The following ARHGEF11 variants were observed in gnomAD, a reference collection of about 807,000 sequenced individuals.
The protein encoded by ARHGEF11 is Rho guanine nucleotide exchange factor 11.
In ARHGEF11, 55 loss-of-function variants were observed where a neutral mutation model predicts 193.7. That is an observed-to-expected ratio of 0.28 (90% CI 0.23 to 0.36). The LOEUF is 0.36. ARHGEF11 is among the 10% of genes least tolerant of loss of function. The pLI, the probability that ARHGEF11 is intolerant of heterozygous loss-of-function variation, is 1.00. For synonymous variants in ARHGEF11, 693 were observed against 768.0 expected (o/e 0.90, Z 1.62); for missense variants, 1,723 against 2,005.6 (o/e 0.86, Z 2.69).
At position 156,945,530 on chromosome 1, in the gene ARHGEF11, T is replaced by C. The variant is rs181957495; in HGVS notation, c.2813-333A>G. 1,439 of 311,634 alleles carry C rather than the reference T, an allele frequency of 4.6e-3. 7 individuals are homozygous for C. Among genetic ancestry groups the C allele is most frequent in the Admixed American group, 0.022 (467 of 21,120 alleles). 19.3% of individuals were successfully genotyped at this position (311,634 alleles called of 1,614,324 possible). On this transcript the variant is annotated intron_variant, in intron 29 of 40. Coordinates refer to ENST00000368194, the MANE Select transcript of ARHGEF11 (RefSeq NM_198236.3). ...CTCTAGAAAGCCTGTTCAAATCAGA[T>C]TGGGGTTCCTAACACCTCTCTGTCC...
rs769530623 is a variant in ARHGEF11, at chr1:156,969,318, C to T, written c.789G>A (p.Leu263=). 3 of 1,607,542 alleles carry T rather than the reference C, an allele frequency of 1.9e-6. No individual in the cohort carries two copies. Among genetic ancestry groups the T allele is most frequent in the Non-Finnish European group, 1.7e-6 (2 of 1,177,208 alleles). Residue 263 remains leucine (L), a synonymous_variant, in exon 10 of 41, where the codon TTG becomes TTA. Coordinates refer to ENST00000368194, the MANE Select transcript of ARHGEF11 (RefSeq NM_198236.3). ...AAGGAAAGCGTTCTGTCCCAGAGTCCAAGCCACTGTCCCCCTCCTGGGAAT... is the reference window on the plus strand; with the variant it reads ...AAGGAAAGCGTTCTGTCCCAGAGTCTAAGCCACTGTCCCCCTCCTGGGAAT... ...SLDSQEGDSG[L]DSGTERFPSL...
chr1:156,942,864 C>A (rs1414583955), intron 32 of ARHGEF11, 84 bp from the exon 33 acceptor site: 2 of 1,141,974 alleles, frequency 1.8e-6, no homozygotes, highest in African/African-American at 1.5e-5. Context: ...CAGAGTGGGA[C>A]TCAAAGCCCT....
intron 8 of ARHGEF11, 107 bp from the exon 9 acceptor site, chr1:156,970,150 G>T: frequency 1.1e-6 from 1 of 905,906 alleles, no homozygotes; most frequent in Non-Finnish European, 1.8e-6. Flanking sequence ...GGCCTCTTCC[G>T]CTTCATTGCC....
intron 22 of ARHGEF11, among the ~76,000 whole-genome samples, chr1:156,950,487 T>C (rs1658911907): frequency 6.6e-6 from 1 of 151,222 alleles, no homozygotes; most frequent in African/African-American, 2.4e-5. Flanking sequence ...AAAATAAAAA[T>C]CAATTAGCCA....
At chr1:156,940,146 A>G (rs1656498976) in intron 36 of ARHGEF11, 61 bp downstream of exon 36, 1 of 1,507,770 alleles carries the variant, frequency 6.6e-7, no homozygotes, top group Non-Finnish European at 8.9e-7. Context: ...GGCGCCTGCC[A>G]GTTCACACTG....
intron 38 of ARHGEF11, 66 bp downstream of exon 38, chr1:156,938,352 C>T: frequency 1.2e-5 from 18 of 1,497,430 alleles, no homozygotes; most frequent in Non-Finnish European, 1.7e-5. Context: ...AGGGGTCCGA[C>T]TCTGCCCTCA....
intron 1 of ARHGEF11, among the ~76,000 whole-genome samples, chr1:157,031,742 A>G (rs1671335301): frequency 6.6e-6 from 1 of 152,198 alleles, no homozygotes; most frequent in Non-Finnish European, 1.5e-5. Flanking sequence ...CCAGAACTGC[A>G]TGGGATCCCT....
At chr1:156,979,144 T>TG (rs1421902003) in intron 5 of ARHGEF11, 85 bp downstream of exon 5, 1 of 1,298,724 alleles carries the variant, frequency 7.7e-7, no homozygotes, top group African/African-American at 1.5e-5. Context: ...CCTCCTGGAA[T>TG]GCCAGGCCTG....
At chr1:157,019,704 C>A (rs1440336834) in intron 1 of ARHGEF11, among the ~76,000 whole-genome samples, 1 of 152,104 alleles carries the variant, frequency 6.6e-6, no homozygotes, top group Admixed American at 6.5e-5. Flanking sequence ...TTGATAGACA[C>A]ACCAATATAG....
At chr1:157,041,225 T>A (rs1672707736) in intron 1 of ARHGEF11, among the ~76,000 whole-genome samples, 1 of 152,184 alleles carries the variant, frequency 6.6e-6, no homozygotes. Flanking sequence ...TAATTTAGTA[T>A]CATTATCTCT....
chr1:156,950,986 G>A (rs1326929111), intron 22 of ARHGEF11, among the ~76,000 whole-genome samples: 1 of 152,244 alleles, frequency 6.6e-6, no homozygotes, highest in Non-Finnish European at 1.5e-5. Context: ...AGAAGAATAT[G>A]AGAGATGCCA....
At chr1:157,016,077 A>G (rs1669189740) in intron 1 of ARHGEF11, among the ~76,000 whole-genome samples, 1 of 152,194 alleles carries the variant, frequency 6.6e-6, no homozygotes, top group South Asian at 2.1e-4. Flanking sequence ...GCTTGCCAGG[A>G]GTCAGACTAC....
intron 38 of ARHGEF11, 80 bp from the exon 39 acceptor site, chr1:156,937,576 A>G (rs1316728712): frequency 2.1e-6 from 3 of 1,449,208 alleles, no homozygotes; most frequent in African/African-American, 1.4e-5. Flanking sequence ...GGGATTCCCC[A>G]GCCACCTGAC....
intron 1 of ARHGEF11, among the ~76,000 whole-genome samples, chr1:157,007,376 C>T (rs1400840551): frequency 1.3e-5 from 2 of 152,124 alleles, no homozygotes; most frequent in African/African-American, 2.4e-5. Context: ...AGTATTTAAA[C>T]ATCAGATCGT....
chr1:156,953,716 A>AT (rs1181366996), intron 21 of ARHGEF11, among the ~76,000 whole-genome samples: 4 of 152,310 alleles, frequency 2.6e-5, no homozygotes, highest in Admixed American at 6.5e-5. Flanking sequence ...TAGAACCTAG[A>AT]AAGTGTTAAT....
intron 1 of ARHGEF11, among the ~76,000 whole-genome samples, chr1:157,028,271 A>C (rs1482291611): frequency 6.6e-6 from 1 of 152,246 alleles, no homozygotes; most frequent in African/African-American, 2.4e-5. Flanking sequence ...ATAAGACATG[A>C]AGTAATGATA....
intron 17 of ARHGEF11, 111 bp downstream of exon 17, chr1:156,958,631 G>A: frequency 6.7e-7 from 1 of 1,487,100 alleles, no homozygotes; most frequent in Admixed American, 1.8e-5. Context: ...TTCAGGGGCA[G>A]GAGAATCAGG....
chr1:157,009,058 C>G (rs966356759), intron 1 of ARHGEF11, among the ~76,000 whole-genome samples: 3 of 152,218 alleles, frequency 2.0e-5, no homozygotes, highest in Non-Finnish European at 4.4e-5. Context: ...AAAAGTCAGA[C>G]TGCCCAGTAT....
chr1:156,963,649 AACC>A (rs1661296326), intron 11 of ARHGEF11, 55 bp from the exon 12 acceptor site: 1 of 1,593,236 alleles, frequency 6.3e-7, no homozygotes, highest in South Asian at 1.1e-5. Context: ...CAGAGGATTC[AACC>A]ACCTCAGTGA....
Sources: allele counts gnomAD v4.1 joint callset (sites outside exome capture counted in the v4.1 genomes callset), GRCh38; gene constraint gnomAD v4.1.1; transcripts MANE v1.5; gene names NCBI Gene and HGNC (gene_info 2026-07-23, HGNC 2026-07-21).